FRMD5: variants seen among roughly 807,000 people sequenced by gnomAD.
FRMD5 encodes the protein FERM domain-containing protein 5.
FRMD5 carries 20 observed loss-of-function variants against 69.0 expected under a neutral mutation model. That is an observed-to-expected ratio of 0.29 (90% CI 0.20 to 0.42). The LOEUF is 0.42. Ranked by LOEUF, FRMD5 falls within the 10% of genes least tolerant of loss-of-function variation. The probability of loss-of-function intolerance (pLI) is 1.00; values close to 1 mark genes in which losing one functional copy is unlikely to be tolerated. For synonymous variants in FRMD5, 271 were observed against 260.1 expected (o/e 1.04, Z -0.40); for missense variants, 595 against 708.6 (o/e 0.84, Z 1.82).
rs533130240 is a variant in FRMD5 at position 44,124,010 on chromosome 15, A to G, written c.102+70943T>C. Among the ~76,000 whole-genome samples, 171 of 152,066 alleles carry G rather than the reference A, an allele frequency of 1.1e-3. 2 individuals are homozygous for G. Among genetic ancestry groups the G allele is most frequent in the Non-Finnish European group, 2.1e-3 (140 of 67,980 alleles). On this transcript the variant is annotated intron_variant, in intron 1 of 13. Coordinates refer to ENST00000417257, the MANE Select transcript of FRMD5 (RefSeq NM_032892.5). The stretch of plus-strand genomic sequence containing the variant: ...GGTTGTTTTGTTTTTTTGTTTTTTG[A>G]GACAGAGTTTTGCTCTTGTCACCCA...
At chr15:43,927,974 G>T (rs1416563061) in intron 1 of FRMD5, among the ~76,000 whole-genome samples, 1 of 152,092 alleles carries the variant, frequency 6.6e-6, no homozygotes, top group Non-Finnish European at 1.5e-5. Context: ...AAGGCTCTTA[G>T]CTGGTAAGAA....
At chr15:44,104,031 A>G (rs1275583341) in intron 1 of FRMD5, among the ~76,000 whole-genome samples, 1 of 152,222 alleles carries the variant, frequency 6.6e-6, no homozygotes, top group African/African-American at 2.4e-5. Context: ...GTATTATTAT[A>G]CTATACTTTT....
intron 1 of FRMD5, among the ~76,000 whole-genome samples, chr15:44,165,738 G>C (rs1276840010): frequency 6.6e-6 from 1 of 152,018 alleles, no homozygotes; most frequent in Non-Finnish European, 1.5e-5. Context: ...GGGAGGCCGA[G>C]GTGAAAGGAT....
chr15:44,004,211 A>G (rs1890336609), intron 1 of FRMD5, among the ~76,000 whole-genome samples: 1 of 152,222 alleles, frequency 6.6e-6, no homozygotes, highest in African/African-American at 2.4e-5. Context: ...GAGCCAAGGT[A>G]CTTCAAATGA....
At chr15:44,191,585 C>T (rs2078194050) in intron 1 of FRMD5, among the ~76,000 whole-genome samples, 1 of 151,566 alleles carries the variant, frequency 6.6e-6, no homozygotes. Flanking sequence ...GACTCCACCT[C>T]AAAAATAATA....
intron 1 of FRMD5, among the ~76,000 whole-genome samples, chr15:44,010,214 A>T (rs1434909799): frequency 6.6e-6 from 1 of 152,178 alleles, no homozygotes; most frequent in East Asian, 1.9e-4. Context: ...AATTACCAGA[A>T]ATACTCAAGA....
chr15:43,895,762 A>G (rs1314303271), intron 7 of FRMD5, among the ~76,000 whole-genome samples: 2 of 152,222 alleles, frequency 1.3e-5, no homozygotes, highest in African/African-American at 2.4e-5. Flanking sequence ...CCTCTGGCAC[A>G]TGAGGCTCAG....
rs547508724 is a variant in FRMD5, at chr15:44,192,957, C to T, written c.102+1996G>A. 5.3e-5 allele frequency among the ~76,000 whole-genome samples: 8 copies of T among 152,184 alleles called. No individual in the cohort carries two copies. The South Asian group carries it at 1.0e-3, about 20-fold the overall frequency. On this transcript the variant is annotated intron_variant, in intron 1 of 13. Transcript: ENST00000417257. ...AAATTGTAATAATGTAAAATGAGAG[C>T]AGTAGGAAAATAAGTACAGCTATAG...
Position 44,097,042 on chromosome 15 carries a change from G to A in FRMD5, c.102+97911C>T, listed in dbSNP as rs925240508. Among the ~76,000 whole-genome samples the A allele has an allele frequency of 3.3e-5, 5 of 152,176 alleles. No homozygotes were observed. In the East Asian group the frequency reaches 9.6e-4, roughly 29 times the overall value. ...AAGTAGAGAATGGATGTCTCGAAGAGTTTATTCATAGATTTACTGATAACA... is the reference window on the plus strand; with the variant it reads ...AAGTAGAGAATGGATGTCTCGAAGAATTTATTCATAGATTTACTGATAACA... On this transcript the variant is annotated intron_variant, in intron 1 of 13. Coordinates refer to ENST00000417257, the MANE Select transcript of FRMD5 (RefSeq NM_032892.5).
intron 1 of FRMD5, among the ~76,000 whole-genome samples, chr15:43,977,748 T>C (rs1427114786): frequency 2.0e-5 from 3 of 152,224 alleles, no homozygotes; most frequent in Non-Finnish European, 4.4e-5. Flanking sequence ...CTAGATTTAT[T>C]TGTAAAGAAA....
intron 13 of FRMD5, among the ~76,000 whole-genome samples, chr15:43,882,101 C>T (rs1459122303): frequency 1.3e-5 from 2 of 152,196 alleles, no homozygotes; most frequent in African/African-American, 2.4e-5. Context: ...AACTTTACAC[C>T]TGTATCCAGC....
intron 1 of FRMD5, among the ~76,000 whole-genome samples, chr15:44,093,637 G>A (rs547371249): frequency 1.0e-4 from 15 of 150,160 alleles, no homozygotes; most frequent in Admixed American, 4.0e-4. Flanking sequence ...CAGTGGCGCC[G>A]TCTCAGCTCA....
chr15:44,050,106 A>G (rs1892592935), intron 1 of FRMD5, among the ~76,000 whole-genome samples: 1 of 152,224 alleles, frequency 6.6e-6, no homozygotes, highest in Non-Finnish European at 1.5e-5. Flanking sequence ...CCAGAAGATT[A>G]ATATAAACCA....
intron 1 of FRMD5, among the ~76,000 whole-genome samples, chr15:43,999,967 T>TATATGTCATGC (rs55916455): frequency 2.4e-5 from 1 of 42,034 alleles, no homozygotes. Flanking sequence ...TATATATATA[T>TATATGTCATGC]ATATATATAT....
intron 4 of FRMD5, among the ~76,000 whole-genome samples, chr15:43,918,043 C>T (rs2089424846): frequency 6.6e-6 from 1 of 152,232 alleles, no homozygotes; most frequent in Non-Finnish European, 1.5e-5. Flanking sequence ...ATGCCTGCTT[C>T]TTGGCCCCCT....
chr15:43,992,513 G>A (rs1324768450), intron 1 of FRMD5, among the ~76,000 whole-genome samples: 1 of 151,996 alleles, frequency 6.6e-6, no homozygotes, highest in African/African-American at 2.4e-5. Flanking sequence ...GAGTAGCTGG[G>A]ACTACAGGTG....
chr15:43,934,642 T>A (rs1220500193), intron 1 of FRMD5, among the ~76,000 whole-genome samples: 1 of 152,244 alleles, frequency 6.6e-6, no homozygotes, highest in African/African-American at 2.4e-5. Context: ...GAAACTATTA[T>A]CCTGCTAGAG....
At chr15:44,088,406 T>C (rs1162734474) in intron 1 of FRMD5, among the ~76,000 whole-genome samples, 1 of 152,122 alleles carries the variant, frequency 6.6e-6, no homozygotes, top group Non-Finnish European at 1.5e-5. Flanking sequence ...GAATCATAAA[T>C]ATATGGTAAA....
chr15:44,146,323 C>T (rs2077354948), intron 1 of FRMD5, among the ~76,000 whole-genome samples: 1 of 152,186 alleles, frequency 6.6e-6, no homozygotes, highest in Non-Finnish European at 1.5e-5. Context: ...CTGCAAAGGA[C>T]ATGATCTCAT....
Sources: allele counts gnomAD v4.1 joint callset (sites outside exome capture counted in the v4.1 genomes callset), GRCh38; gene constraint gnomAD v4.1.1; transcripts MANE v1.5; gene names NCBI Gene and HGNC (gene_info 2026-07-23, HGNC 2026-07-21).